PLA2G4C: variants seen among roughly 807,000 people sequenced by gnomAD.
The protein encoded by PLA2G4C is phospholipase A2 group IVC.
A neutral mutation model predicts 73.8 loss-of-function variants in PLA2G4C; 64 were observed. The ratio of observed to expected loss-of-function variants is 0.87; its 90% CI spans 0.71 to 1.07. The LOEUF (loss-of-function observed/expected upper bound fraction) is 1.07. Ranked by LOEUF, PLA2G4C falls within the 50% of genes least tolerant of loss-of-function variation. The probability of loss-of-function intolerance (pLI) is 0.00; values close to 1 mark genes in which losing one functional copy is unlikely to be tolerated. For missense variants in PLA2G4C, 622 were observed against 665.4 expected, an observed-to-expected ratio of 0.93 and a Z score of 0.72; for synonymous variants, 254 against 252.1, an observed-to-expected ratio of 1.01 and a Z score of -0.07.
chr19:48,076,851 T>A (rs2030196073), intron 11 of PLA2G4C, among the ~76,000 whole-genome samples: 3 of 152,130 alleles, frequency 2.0e-5, no homozygotes, highest in African/African-American at 7.2e-5. Context: ...ACTCAACCCA[T>A]ATCGCTTTTT....
At chr19:48,061,383 G>C (rs1251354946) in intron 14 of PLA2G4C, 1 of 153,512 alleles carries the variant, frequency 6.5e-6, no homozygotes, top group Non-Finnish European at 1.5e-5. Flanking sequence ...TTAATCCACA[G>C]AACAACTCCT....
intron 1 of PLA2G4C, 142 bp from the exon 2 acceptor site, chr19:48,106,703 C>A (rs2032253626): frequency 4.7e-6 from 3 of 639,434 alleles, no homozygotes; most frequent in Non-Finnish European, 8.5e-6. Context: ...GCAGGTGTTG[C>A]AGCAAAGAGA....
At chr19:48,057,082 G>C (rs934789752) in intron 14 of PLA2G4C, among the ~76,000 whole-genome samples, 4 of 151,958 alleles carry the variant, frequency 2.6e-5, no homozygotes, top group African/African-American at 9.7e-5. Context: ...AAATCCCCAG[G>C]ACACAAGTTT....
chr19:48,058,668 A>T (rs1287313214), intron 14 of PLA2G4C, among the ~76,000 whole-genome samples: 1 of 151,824 alleles, frequency 6.6e-6, no homozygotes, highest in African/African-American at 2.4e-5. Flanking sequence ...AAATACAGAA[A>T]TTAGCCGGGC....
rs144590127 is a variant in PLA2G4C at position 48,108,013 on chromosome 19, A to T, written c.-32-1452T>A. On this transcript the variant is annotated intron_variant, in intron 1 of 16. Coordinates refer to ENST00000599921, the MANE Select transcript of PLA2G4C (RefSeq NM_003706.3). ...TTACTCTGCCCCTTATTATCCAATAAATAACAGCGCAGCCAGGCATTTGGG... is the reference window on the plus strand; with the variant it reads ...TTACTCTGCCCCTTATTATCCAATATATAACAGCGCAGCCAGGCATTTGGG... Among the ~76,000 whole-genome samples the T allele has an allele frequency of 4.7e-4, 71 of 152,156 alleles. No homozygotes were observed. The East Asian group carries it at 0.013, about 28-fold the overall frequency.
intron 14 of PLA2G4C, among the ~76,000 whole-genome samples, chr19:48,058,313 A>T (rs933132845): frequency 2.6e-5 from 4 of 151,226 alleles, no homozygotes; most frequent in Non-Finnish European, 5.9e-5. Flanking sequence ...AAAAAAAAAA[A>T]TTTGTGTGGA....
chr19:48,106,801 T>C lies in PLA2G4C; in HGVS notation c.-32-240A>G. The C allele has an allele frequency of 5.5e-6, 3 of 548,508 alleles. No individual in the cohort carries two copies. The South Asian group carries it at 6.9e-5, about 13-fold the overall frequency. The allele number at this position is 548,508 out of a possible 1,614,324, so 34.0% of individuals were successfully genotyped here. Reference sequence around the variant, plus strand: ...CTCTCTGAAAATTTGGAGGCTAGGGTTTTTCCTCGCTCTTTCTCTTTCTCT... The same window carrying C: ...CTCTCTGAAAATTTGGAGGCTAGGGCTTTTCCTCGCTCTTTCTCTTTCTCT... On this transcript the variant is annotated intron_variant, in intron 1 of 16. Transcript: ENST00000599921.
chr19:48,084,555 C>G (rs918570141), intron 10 of PLA2G4C, among the ~76,000 whole-genome samples: 1 of 152,166 alleles, frequency 6.6e-6, no homozygotes, highest in African/African-American at 2.4e-5. Flanking sequence ...CAGCTCCACA[C>G]ACCTGTTGGC....
intron 14 of PLA2G4C, among the ~76,000 whole-genome samples, chr19:48,058,237 T>C (rs1968032511): frequency 6.6e-6 from 1 of 151,420 alleles, no homozygotes; most frequent in African/African-American, 2.4e-5. Flanking sequence ...AGGTGGAGGT[T>C]GTGGCAAGCC....
chr19:48,067,170 GTTGT>G (rs1274101962), intron 13 of PLA2G4C, among the ~76,000 whole-genome samples: 1 of 113,970 alleles, frequency 8.8e-6, no homozygotes, highest in African/African-American at 3.6e-5. Context: ...ACAAATGTGT[GTTGT>G]TTTTTTTTTT....
Position 48,053,177 on chromosome 19 carries a change from G to A in PLA2G4C, c.1430-30C>T, listed in dbSNP as rs556564049. 17 of 1,513,544 alleles carry A rather than the reference G, an allele frequency of 1.1e-5. No homozygotes were observed. The African/African-American group carries it at 2.2e-4, about 20-fold the overall frequency. 93.8% of individuals were successfully genotyped at this position (1,513,544 alleles called of 1,614,324 possible). ...AGCATAACCAAACCAACAAAGAAAAGGCATCATGAGTTTGGACAATTAATT... is the reference window on the plus strand; with the variant it reads ...AGCATAACCAAACCAACAAAGAAAAAGCATCATGAGTTTGGACAATTAATT... On this transcript the variant is annotated intron_variant, in intron 15 of 16. Transcript: ENST00000599921.
chr19:48,083,200 TAA>T (rs2122591019), intron 10 of PLA2G4C, among the ~76,000 whole-genome samples: 1 of 152,292 alleles, frequency 6.6e-6, no homozygotes, highest in African/African-American at 2.4e-5. Context: ...AGCTTTGCTC[TAA>T]GTACTTTACA....
At position 48,105,560 on chromosome 19, in the gene PLA2G4C, T is replaced by C. The variant is rs577880757; in HGVS notation, c.9-116A>G. 4 of 720,470 alleles carry C rather than the reference T, an allele frequency of 5.6e-6. No homozygotes were observed. The East Asian group carries it at 7.4e-5, about 13-fold the overall frequency. The allele number at this position is 720,470 out of a possible 1,614,324, so 44.6% of individuals were successfully genotyped here. A position where few individuals can be genotyped will look rare whatever the true frequency, so the allele number is the denominator to read the frequency against. ...AGGTAGCCACCAGCCCACGGGTACA[T>C]GGTTTCCTTTTGGGGTGAGGAAAAT... is the stretch of plus-strand genomic sequence containing the variant. On this transcript the variant is annotated intron_variant, in intron 2 of 16. Transcript: ENST00000599921.
In PLA2G4C at chr19:48,054,939, C is replaced by T. The variant is rs1381185046; in HGVS notation, c.1368G>A (p.Leu456=). ...WSKAPASCYI[L]KGETGPVVMH... ...TCACCACTGGTCCAGTTTCTCCTTT[C>T]AGGATGTAGCAGCTGGCGGGGGCCT... The change falls in exon 15 of 17, where the codon CTG becomes CTA. Residue 456 remains leucine (L), a synonymous_variant. Coordinates refer to ENST00000599921, the MANE Select transcript of PLA2G4C (RefSeq NM_003706.3). The T allele has an allele frequency of 6.2e-7, 1 of 1,613,894 alleles. No individual in the cohort carries two copies. Among genetic ancestry groups the T allele is most frequent in the African/African-American group, 1.3e-5 (1 of 74,868 alleles).
chr19:48,069,832 T>C (rs1432862561), intron 12 of PLA2G4C, among the ~76,000 whole-genome samples: 1 of 152,088 alleles, frequency 6.6e-6, no homozygotes, highest in Non-Finnish European at 1.5e-5. Flanking sequence ...TGGTGCAATC[T>C]CGGCTCACTG....
chr19:48,053,665 G>A (rs8107932), intron 15 of PLA2G4C, among the ~76,000 whole-genome samples: 93,549 of 137,404 alleles, frequency 0.68, 30,210 homozygotes, highest in East Asian at 0.9. Context: ...GAGCCACCGC[G>A]CCTGGCCCCC....
At chr19:48,108,054 T>C (rs887887846) in intron 1 of PLA2G4C, among the ~76,000 whole-genome samples, 2 of 152,130 alleles carry the variant, frequency 1.3e-5, no homozygotes, top group African/African-American at 4.8e-5. Context: ...TATCGGTCTC[T>C]GCGTCTTGGT....
Position 48,053,153 on chromosome 19 carries a change from G to A in PLA2G4C, c.1430-6C>T. On this transcript the variant is annotated splice_region_variant and splice_polypyrimidine_tract_variant and intron_variant, in intron 15 of 16. Transcript: ENST00000599921. ...ACTCCATGCCTCAATATCACCTGAA[G>A]CATAACCAAACCAACAAAGAAAAGG... 1.3e-6 allele frequency: 2 copies of A among 1,568,312 alleles called. No individual in the cohort carries two copies. Among genetic ancestry groups the A allele is most frequent in the Non-Finnish European group, 1.7e-6 (2 of 1,150,742 alleles).
rs11564532 is a variant in PLA2G4C at position 48,099,738 on chromosome 19, G to C, written c.380C>G (p.Ala127Gly). 6.2e-7 allele frequency: 1 copy of C among 1,613,846 alleles called. No homozygotes were observed. The change falls in exon 5 of 17, where the codon GCG becomes GGG. Residue 127 changes from alanine to glycine, a missense_variant. By Grantham distance (60) the Ala-to-Gly change is moderately conservative (BLOSUM62 0). Transcript: ENST00000599921. ...AKSLQKTIQA[A>G]RSENYSLTDF... ...GGTCAGAGAGTAATTCTCAGACCTC[G>C]CTGCTTGGATGGTTTTCTGTAGGCT...
Sources: allele counts gnomAD v4.1 joint callset (sites outside exome capture counted in the v4.1 genomes callset), GRCh38; gene constraint gnomAD v4.1.1; transcripts MANE v1.5; gene names NCBI Gene and HGNC (gene_info 2026-07-23, HGNC 2026-07-21).